Variants in BOLL observed in about 807,000 individuals in gnomAD.
The protein encoded by BOLL is protein boule-like.
BOLL carries 23 observed loss-of-function variants against 44.4 expected under a neutral mutation model. The observed-to-expected ratio is 0.52, with a 90% CI of 0.37 to 0.73. The LOEUF is 0.73. Among genes scored for constraint, BOLL ranks in the 30% least tolerant of loss-of-function variants. The pLI is 0.00. For synonymous variants in BOLL, 97 were observed against 110.8 expected (o/e 0.88, Z 0.78); for missense variants, 287 against 338.3 (o/e 0.85, Z 1.19).
chr2:197,747,798 C>A (rs1160936366), intron 9 of BOLL, among the ~76,000 whole-genome samples: 1 of 152,090 alleles, frequency 6.6e-6, no homozygotes, highest in South Asian at 2.1e-4. Flanking sequence ...ACATACCATG[C>A]ACATGGTACT....
chr2:197,731,301 A>C (rs867964250), intron 10 of BOLL, among the ~76,000 whole-genome samples: 88 of 149,604 alleles, frequency 5.9e-4, no homozygotes, highest in African/African-American at 1.2e-3. Flanking sequence ...CAGGAGCACC[A>C]AGATTCATAA....
chr2:197,750,355 T>C (rs1419903106), intron 9 of BOLL, among the ~76,000 whole-genome samples: 1 of 152,078 alleles, frequency 6.6e-6, no homozygotes, highest in African/African-American at 2.4e-5. Context: ...GACTGGCAAA[T>C]TGGACAAAGA....
chr2:197,779,349 G>A lies in BOLL; in HGVS notation c.130-283C>T, dbSNP rs150552062. Among the ~76,000 whole-genome samples the A allele has an allele frequency of 6.6e-3, 998 of 152,008 alleles. 8 individuals are homozygous for A. The highest frequency in any genetic ancestry group is 0.017 in the South Asian group (80 of 4,816). On this transcript the variant is annotated intron_variant, in intron 2 of 10. Transcript: ENST00000392296. Reference sequence around the variant, plus strand: ...TTAAAGAAATCTTTAAATGATTCTTGTTCTCTAGCTGGCCAGTTTTTAAAA... The same window carrying A: ...TTAAAGAAATCTTTAAATGATTCTTATTCTCTAGCTGGCCAGTTTTTAAAA...
intron 7 of BOLL, among the ~76,000 whole-genome samples, chr2:197,766,260 C>T (rs1367072021): frequency 1.3e-5 from 2 of 151,954 alleles, no homozygotes; most frequent in Non-Finnish European, 2.9e-5. Context: ...ATACTGCTTT[C>T]CACAATGGTT....
At chr2:197,728,717 C>A in intron 10 of BOLL, 139 bp from the exon 11 acceptor site, 2 of 610,318 alleles carry the variant, frequency 3.3e-6, no homozygotes, top group South Asian at 2.3e-5. Context: ...TAGAATGTTA[C>A]AAAGTGAGAG....
chr2:197,755,051 G>GA (rs1451425057), intron 9 of BOLL, among the ~76,000 whole-genome samples: 3 of 151,944 alleles, frequency 2.0e-5, no homozygotes, highest in Admixed American at 1.3e-4. Context: ...AAATTCACAA[G>GA]AAAAAAACAA....
chr2:197,751,854 A>T (rs1230419837), intron 9 of BOLL, among the ~76,000 whole-genome samples: 1 of 151,838 alleles, frequency 6.6e-6, no homozygotes, highest in Admixed American at 6.6e-5. Context: ...AAAAAAAAGA[A>T]AATTTCAGGC....
intron 9 of BOLL, 88 bp from the exon 10 acceptor site, chr2:197,743,247 G>A (rs1046996518): frequency 1.1e-6 from 1 of 878,158 alleles, no homozygotes; most frequent in Non-Finnish European, 1.6e-6. Flanking sequence ...TAATCATCTA[G>A]CTATACAATG....
chr2:197,782,700 C>T lies in BOLL; in HGVS notation c.-15-835G>A, dbSNP rs531945663. 4.6e-4 allele frequency among the ~76,000 whole-genome samples: 70 copies of T among 152,216 alleles called. No individual in the cohort carries two copies. In the South Asian group the frequency reaches 6.2e-3, roughly 14 times the overall value. ...TAACAGACCCAACTTTACTAAATGACGCATGTGTTCCTGGTGGTCTTTAAC... is the reference window on the plus strand; with the variant it reads ...TAACAGACCCAACTTTACTAAATGATGCATGTGTTCCTGGTGGTCTTTAAC... On this transcript the variant is annotated intron_variant, in intron 1 of 10. Transcript: ENST00000392296.
upstream of BOLL, chr2:197,785,352 G>A: frequency 1.0e-6 from 1 of 985,892 alleles, no homozygotes; most frequent in East Asian, 1.1e-4. The surrounding 1 kb of genome is among the most constrained non-coding windows in gnomAD (Gnocchi z 6.7). Flanking sequence ...TCCCTGATTG[G>A]CTGCTGGCGG....
At chr2:197,781,222 A>G (rs1326182362) in intron 2 of BOLL, among the ~76,000 whole-genome samples, 1 of 152,050 alleles carries the variant, frequency 6.6e-6, no homozygotes, top group African/African-American at 2.4e-5. Flanking sequence ...TTGGTGATCA[A>G]ATCCTAAATT....
In BOLL at chr2:197,740,115, T is replaced by C. The variant is rs1049407304; in HGVS notation, c.828+2946A>G. 4.6e-5 allele frequency among the ~76,000 whole-genome samples: 7 copies of C among 152,210 alleles called. No individual in the cohort carries two copies. In the South Asian group the frequency reaches 1.5e-3, roughly 32 times the overall value. On this transcript the variant is annotated intron_variant, in intron 10 of 10. Coordinates refer to ENST00000392296, the MANE Select transcript of BOLL (RefSeq NM_033030.6). ...ATGGTTTTATTTCATGTTTGGTGTA[T>C]AGTGATAAAGCCAATGAAGGGATGC... is the stretch of plus-strand genomic sequence containing the variant.
In BOLL at chr2:197,781,712, A is replaced by T. The variant is rs190740992; in HGVS notation, c.129+10T>A. The T allele has an allele frequency of 1.5e-5, 23 of 1,530,710 alleles. No individual in the cohort carries two copies. In the East Asian group the frequency reaches 2.7e-4, roughly 18 times the overall value. The allele number at this position is 1,530,710 out of a possible 1,614,324, so 94.8% of individuals were successfully genotyped here. A position where few individuals can be genotyped will look rare whatever the true frequency, so the allele number is the denominator to read the frequency against. On this transcript the variant is annotated intron_variant, in intron 2 of 10. Transcript: ENST00000392296. ...AAAAAATACACTTTACTGCATGCAT[A>T]AATAGGTACCTTAAAATCAATTCCT...
intron 10 of BOLL, among the ~76,000 whole-genome samples, chr2:197,735,619 A>T (rs1391958903): frequency 6.6e-6 from 1 of 152,154 alleles, no homozygotes; most frequent in Non-Finnish European, 1.5e-5. Context: ...CAAAGGATGA[A>T]GTAGGTGAAG....
intron 7 of BOLL, among the ~76,000 whole-genome samples, chr2:197,765,745 GT>G (rs1178409910): frequency 4.0e-5 from 6 of 151,818 alleles, no homozygotes; most frequent in African/African-American, 1.5e-4. Context: ...ACATGTGAAG[GT>G]TTGTTACATA....
chr2:197,766,454 T>C, intron 7 of BOLL, 78 bp downstream of exon 7: 1 of 1,207,608 alleles, frequency 8.3e-7, no homozygotes, highest in Non-Finnish European at 1.2e-6. Flanking sequence ...AGTAGTTGCA[T>C]GAGAAAGAAA....
upstream of BOLL, chr2:197,785,368 C>G (rs1328483589): frequency 1.0e-6 from 1 of 985,604 alleles, no homozygotes; most frequent in African/African-American, 1.7e-5. The surrounding 1 kb of genome is among the most constrained non-coding windows in gnomAD (Gnocchi z 6.7). Flanking sequence ...GGCGGCGGGA[C>G]GGGGCGGGGC....
intron 7 of BOLL, among the ~76,000 whole-genome samples, chr2:197,764,946 G>A (rs968839718): frequency 6.6e-6 from 1 of 151,672 alleles, no homozygotes; most frequent in African/African-American, 2.4e-5. Context: ...TCACAATAAA[G>A]AGTACCATGT....
At chr2:197,742,669 T>TG (rs1687804273) in intron 10 of BOLL, among the ~76,000 whole-genome samples, 1 of 142,926 alleles carries the variant, frequency 7.0e-6, no homozygotes, top group African/African-American at 2.6e-5. Context: ...TGTTGTGGGG[T>TG]GGGGGGAGTG....
Sources: allele counts gnomAD v4.1 joint callset (sites outside exome capture counted in the v4.1 genomes callset), GRCh38; gene constraint gnomAD v4.1.1; non-coding constraint Gnocchi (gnomAD v3.1); transcripts MANE v1.5; gene names NCBI Gene and HGNC (gene_info 2026-07-23, HGNC 2026-07-21).